PURB: variants seen among roughly 807,000 people sequenced by gnomAD.
The protein encoded by PURB is purine rich element binding protein B.
PURB carries 11 observed loss-of-function variants against 21.1 expected under a neutral mutation model. The ratio of observed to expected loss-of-function variants is 0.52; its 90% CI spans 0.33 to 0.86. PURB has a LOEUF of 0.86. Among genes scored for constraint, PURB ranks in the 40% least tolerant of loss-of-function variants. The pLI, the probability that PURB is intolerant of heterozygous loss-of-function variation, is 0.02. For missense variants in PURB, 357 were observed against 456.5 expected (o/e 0.78, Z 1.99); for synonymous variants, 246 against 210.8 (o/e 1.17, Z -1.45).
Position 44,883,875 on chromosome 7 carries a change from G to T in PURB, c.*535C>A, listed in dbSNP as rs151317679. On this transcript the variant is annotated 3_prime_UTR_variant, in exon 1 of 1. Coordinates refer to ENST00000395699, the MANE Select transcript of PURB (RefSeq NM_033224.5). ...TTCTTTTCGTGAACCTGAACCCTCA[G>T]AACTGGGTAATTGTAAAGGCCTCTC... The T allele has an allele frequency of 3.6e-3, 556 of 153,962 alleles. 13 individuals carry two copies. Among genetic ancestry groups the T allele is most frequent in the Non-Finnish European group, 8.8e-4 (61 of 69,236 alleles). 9.5% of individuals were successfully genotyped at this position (153,962 alleles called of 1,614,324 possible). A position where few individuals can be genotyped will look rare whatever the true frequency, so the allele number is the denominator to read the frequency against.
rs1335924749 is a variant in PURB at position 44,884,282 on chromosome 7, T to C, written c.*128A>G. The C allele has an allele frequency of 1.4e-6, 2 of 1,478,232 alleles. No homozygotes were observed. Among genetic ancestry groups the C allele is most frequent in the Admixed American group, 4.9e-5 (2 of 40,638 alleles). 91.6% of individuals were successfully genotyped at this position (1,478,232 alleles called of 1,614,324 possible). Reference sequence around the variant, plus strand: ...GATTATTTCTCTTAACTGTGTTACGTTTTGTTTTTTCCCTCTGCGGCCTCC... The same window carrying C: ...GATTATTTCTCTTAACTGTGTTACGCTTTGTTTTTTCCCTCTGCGGCCTCC... On this transcript the variant is annotated 3_prime_UTR_variant, in exon 1 of 1. Transcript: ENST00000395699.
Position 44,884,751 on chromosome 7 carries a change from G to C in PURB, c.598C>G (p.Leu200Val), listed in dbSNP as rs772302130. Residue 200 changes from leucine to valine, a missense_variant, in exon 1 of 1, where the codon CTG becomes GTG. Leu to Val is a conservative substitution (Grantham distance 32). Transcript: ENST00000395699. ...GCGCCGCCTCCCGGGCCGCCTGCCA[G>C]CTCGTCGTCCTCGCCTCCGTAGTCG... The part of the protein sequence containing the change: ...IDDYGGEDDE[L>V]AGGPGGGAGG... 6.2e-7 allele frequency: 1 copy of C among 1,611,152 alleles called. No individual in the cohort carries two copies. The highest frequency in any genetic ancestry group is 8.5e-7 in the Non-Finnish European group (1 of 1,179,264).
At position 44,885,078 on chromosome 7, in the gene PURB, T is replaced by C; in HGVS notation, c.271A>G (p.Ile91Val). Residue 91 changes from isoleucine (I) to valine (V), a missense_variant, in exon 1 of 1, where the codon ATA becomes GTA. Physicochemically the swap from Ile to Val is conservative, Grantham distance 29. Coordinates refer to ENST00000395699, the MANE Select transcript of PURB (RefSeq NM_033224.5). Reference protein sequence around the residue: ...AEFRDSLGDFIEHYAQLGPSS... With the variant: ...AEFRDSLGDFVEHYAQLGPSS... Reference sequence around the variant, plus strand: ...GGGCCCAGCTGCGCGTAGTGTTCTATGAAGTCGCCCAGCGAGTCGCGGAAC... The same window carrying C: ...GGGCCCAGCTGCGCGTAGTGTTCTACGAAGTCGCCCAGCGAGTCGCGGAAC... 6.3e-7 allele frequency: 1 copy of C among 1,577,844 alleles called. No individual in the cohort carries two copies. The highest frequency in any genetic ancestry group is 8.6e-7 in the Non-Finnish European group (1 of 1,166,544).
In PURB at chr7:44,884,549, T is replaced by C; in HGVS notation, c.800A>G (p.Lys267Arg). The change falls in exon 1 of 1, where the codon AAG (lysine) becomes AGG (arginine). Residue 267 changes from lysine to arginine, a missense_variant. By Grantham distance (26) the Lys-to-Arg change is conservative. Coordinates refer to ENST00000395699, the MANE Select transcript of PURB (RefSeq NM_033224.5). ...ATACCGGCAAAAGGCGCCTCCGAACTTGCCCCAGGCTTTGAAGGGTACGGT... is the reference window on the plus strand; with the variant it reads ...ATACCGGCAAAAGGCGCCTCCGAACCTGCCCCAGGCTTTGAAGGGTACGGT... ...AITVPFKAWGKFGGAFCRYAD... is the reference protein window; with the variant it reads ...AITVPFKAWGRFGGAFCRYAD... 1.2e-6 allele frequency: 2 copies of C among 1,614,216 alleles called. No individual in the cohort carries two copies. Among genetic ancestry groups the C allele is most frequent in the Middle Eastern group, 1.6e-4 (1 of 6,062 alleles).
chr7:44,883,328 T>C lies in PURB; in HGVS notation c.*1082A>G, dbSNP rs1198014035. On this transcript the variant is annotated 3_prime_UTR_variant, in exon 1 of 1. Transcript: ENST00000395699. ...GTATATCCATTAAAGCTCAGGCTTATAGCCACACTGTTACTTTTGTAGGTA... is the reference window on the plus strand; with the variant it reads ...GTATATCCATTAAAGCTCAGGCTTACAGCCACACTGTTACTTTTGTAGGTA... 6.6e-6 allele frequency: 1 copy of C among 152,670 alleles called. No homozygotes were observed. Among genetic ancestry groups the C allele is most frequent in the African/African-American group, 2.4e-5 (1 of 41,464 alleles). The allele number at this position is 152,670 out of a possible 1,614,324, so 9.5% of individuals were successfully genotyped here.
rs1438611591 is a variant in PURB at position 44,881,385 on chromosome 7, T to C, written c.*3025A>G. The C allele has an allele frequency of 1.3e-5, 2 of 152,542 alleles. No homozygotes were observed. The highest frequency in any genetic ancestry group is 2.9e-5 in the Non-Finnish European group (2 of 68,000). 9.4% of individuals were successfully genotyped at this position (152,542 alleles called of 1,614,324 possible). ...TAATATTTACGAATGAATCTGTGTTTTGCAGGTTTCTATTGTCCCTAGTGA... is the reference window on the plus strand; with the variant it reads ...TAATATTTACGAATGAATCTGTGTTCTGCAGGTTTCTATTGTCCCTAGTGA... On this transcript the variant is annotated 3_prime_UTR_variant, in exon 1 of 1. Transcript: ENST00000395699.
chr7:44,885,349 C>T lies in PURB; in HGVS notation c.-1G>A. The T allele has an allele frequency of 1.7e-6, 2 of 1,193,540 alleles. No individual in the cohort carries two copies. Among genetic ancestry groups the T allele is most frequent in the Non-Finnish European group, 2.1e-6 (2 of 957,620 alleles). The allele number at this position is 1,193,540 out of a possible 1,614,324, so 73.9% of individuals were successfully genotyped here. The stretch of plus-strand genomic sequence containing the variant: ...CGCTGCCGCTGTCGCCGTCCGCCAT[C>T]TTCTAGGCCGCCGCCTCGCCGCCAC... On this transcript the variant is annotated 5_prime_UTR_variant, in exon 1 of 1. Transcript: ENST00000395699.
chr7:44,884,815 G>A lies in PURB; in HGVS notation c.534C>T (p.Gly178=). Residue 178 remains glycine, a synonymous_variant, in exon 1 of 1, where the codon GGC becomes GGT. Coordinates refer to ENST00000395699, the MANE Select transcript of PURB (RefSeq NM_033224.5). ...CCAGCGCGTCGCGGAACTCGATGAG[G>A]CCCTGCGCAGGCAGCGCGATGGTCT... ...SGQTIALPAQ[G]LIEFRDALAK... 2 of 1,590,204 alleles carry A rather than the reference G, an allele frequency of 1.3e-6. No homozygotes were observed. Among genetic ancestry groups the A allele is most frequent in the Non-Finnish European group, 8.6e-7 (1 of 1,169,304 alleles).
chr7:44,884,952 G>C lies in PURB; in HGVS notation c.397C>G (p.Leu133Val). 6.3e-7 allele frequency: 1 copy of C among 1,582,760 alleles called. No individual in the cohort carries two copies. The highest frequency in any genetic ancestry group is 1.1e-5 in the South Asian group (1 of 87,978). ...FLVRENRKYYLDLKENQRGRF... is the reference protein window; with the variant it reads ...FLVRENRKYYVDLKENQRGRF... ...CCGCGCTGGTTCTCCTTGAGGTCCA[G>C]GTAGTACTTGCGGTTCTCACGCACC... Residue 133 changes from leucine (L) to valine (V), a missense_variant, in exon 1 of 1, where the codon CTG becomes GTG. Leu to Val is a conservative substitution (Grantham distance 32). Coordinates refer to ENST00000395699, the MANE Select transcript of PURB (RefSeq NM_033224.5).
rs977099928 is a variant in PURB, at chr7:44,883,437, G to A, written c.*973C>T. 4.6e-5 allele frequency: 7 copies of A among 151,936 alleles called. No individual in the cohort carries two copies. Among genetic ancestry groups the A allele is most frequent in the African/African-American group, 1.7e-4 (7 of 41,152 alleles). 9.4% of individuals were successfully genotyped at this position (151,936 alleles called of 1,614,324 possible). A position where few individuals can be genotyped will look rare whatever the true frequency, so the allele number is the denominator to read the frequency against. On this transcript the variant is annotated 3_prime_UTR_variant, in exon 1 of 1. Transcript: ENST00000395699. ...CCATAATTCACTGGCTCACACAGTG[G>A]AGATCTGGCTCTCATTCATACCAAA...
At position 44,884,440 on chromosome 7, in the gene PURB, C is replaced by T; in HGVS notation, c.909G>A (p.Glu303=). ...CCTCATCCACCTCCTCACCCTCTGA[C>T]TCTTCGCCGCCGCCGCTGCCCCCAC... is the stretch of plus-strand genomic sequence containing the variant. The part of the protein sequence containing the change: ...RRGGGSGGGE[E]SEGEEVDED The change falls in exon 1 of 1, where the codon GAG becomes GAA. Residue 303 remains glutamate (E), a synonymous_variant. Coordinates refer to ENST00000395699, the MANE Select transcript of PURB (RefSeq NM_033224.5). 1.2e-6 allele frequency: 2 copies of T among 1,613,702 alleles called. No homozygotes were observed. The highest frequency in any genetic ancestry group is 1.7e-6 in the Non-Finnish European group (2 of 1,180,020).
rs1316670480 is a variant in PURB, at chr7:44,883,144, G to A, written c.*1266C>T. Reference sequence around the variant, plus strand: ...CATCATTTGCCAACTCTGATTGTGAGGTACTGATACAATGGATCAAGTTCT... The same window carrying A: ...CATCATTTGCCAACTCTGATTGTGAAGTACTGATACAATGGATCAAGTTCT... On this transcript the variant is annotated 3_prime_UTR_variant, in exon 1 of 1. Coordinates refer to ENST00000395699, the MANE Select transcript of PURB (RefSeq NM_033224.5). 1 of 152,530 alleles carries A rather than the reference G, an allele frequency of 6.6e-6. No individual in the cohort carries two copies. Among genetic ancestry groups the A allele is most frequent in the African/African-American group, 2.4e-5 (1 of 41,422 alleles). The allele number at this position is 152,530 out of a possible 1,614,324, so 9.4% of individuals were successfully genotyped here.
Position 44,876,834 on chromosome 7 carries a change from T to C in PURB, c.*7576A>G, listed in dbSNP as rs1240797589. 6.5e-6 allele frequency: 1 copy of C among 152,698 alleles called. No homozygotes were observed. Among genetic ancestry groups the C allele is most frequent in the East Asian group, 1.9e-4 (1 of 5,206 alleles). 9.5% of individuals were successfully genotyped at this position (152,698 alleles called of 1,614,324 possible). A position where few individuals can be genotyped will look rare whatever the true frequency, so the allele number is the denominator to read the frequency against. On this transcript the variant is annotated 3_prime_UTR_variant, in exon 1 of 1. Coordinates refer to ENST00000395699, the MANE Select transcript of PURB (RefSeq NM_033224.5). ...CCTATCACTACAAATTTTAGTGTTT[T>C]ATTTACAGACATTTATAGGGTTACA... is the stretch of plus-strand genomic sequence containing the variant.
In PURB at chr7:44,884,573, G is replaced by C; in HGVS notation, c.776C>G (p.Thr259Ser). The part of the protein sequence containing the change: ...EVKPSYRNAI[T>S]VPFKAWGKFG... ...CTTGCCCCAGGCTTTGAAGGGTACG[G>C]TGATGGCATTGCGGTAGGACGGCTT... The change falls in exon 1 of 1, where the codon ACC becomes AGC. Residue 259 changes from threonine to serine, a missense_variant. Thr to Ser is a moderately conservative substitution (Grantham distance 58). Coordinates refer to ENST00000395699, the MANE Select transcript of PURB (RefSeq NM_033224.5). 4 of 1,614,202 alleles carry C rather than the reference G, an allele frequency of 2.5e-6. No individual in the cohort carries two copies. The highest frequency in any genetic ancestry group is 3.4e-6 in the Non-Finnish European group (4 of 1,180,046).
chr7:44,885,352 C>A lies in PURB; in HGVS notation c.-4G>T. The A allele has an allele frequency of 8.5e-7, 1 of 1,181,492 alleles. No homozygotes were observed. Among genetic ancestry groups the A allele is most frequent in the East Asian group, 3.3e-5 (1 of 30,270 alleles). 73.2% of individuals were successfully genotyped at this position (1,181,492 alleles called of 1,614,324 possible). On this transcript the variant is annotated 5_prime_UTR_variant, in exon 1 of 1. Coordinates refer to ENST00000395699, the MANE Select transcript of PURB (RefSeq NM_033224.5). The stretch of plus-strand genomic sequence containing the variant: ...TGCCGCTGTCGCCGTCCGCCATCTT[C>A]TAGGCCGCCGCCTCGCCGCCACCGC...
rs1392799827 is a variant in PURB at position 44,882,230 on chromosome 7, G to A, written c.*2180C>T. ...AGAAATAGACACTCAAAACACGTAGGTAAATACAGCAGGACATTATTGAAA... is the reference window on the plus strand; with the variant it reads ...AGAAATAGACACTCAAAACACGTAGATAAATACAGCAGGACATTATTGAAA... On this transcript the variant is annotated 3_prime_UTR_variant, in exon 1 of 1. Transcript: ENST00000395699. 6.6e-6 allele frequency: 1 copy of A among 152,562 alleles called. No homozygotes were observed. The highest frequency in any genetic ancestry group is 2.4e-5 in the African/African-American group (1 of 41,434). The allele number at this position is 152,562 out of a possible 1,614,324, so 9.5% of individuals were successfully genotyped here.
Position 44,885,049 on chromosome 7 carries a change from G to T in PURB, c.300C>A (p.Ser100Arg). The part of the protein sequence containing the change: ...FIEHYAQLGP[S>R]SPEQLAAGAE... Reference sequence around the variant, plus strand: ...CGCCAGCCGCCAGCTGCTCGGGGCTGCTAGGGCCCAGCTGCGCGTAGTGTT... The same window carrying T: ...CGCCAGCCGCCAGCTGCTCGGGGCTTCTAGGGCCCAGCTGCGCGTAGTGTT... The change falls in exon 1 of 1, where the codon AGC (serine) becomes AGA (arginine). Residue 100 changes from serine to arginine, a missense_variant. Coordinates refer to ENST00000395699, the MANE Select transcript of PURB (RefSeq NM_033224.5). The T allele has an allele frequency of 6.4e-7, 1 of 1,559,982 alleles. No individual in the cohort carries two copies. Among genetic ancestry groups the T allele is most frequent in the East Asian group, 2.4e-5 (1 of 41,420 alleles).
Position 44,884,308 on chromosome 7 carries a change from C to T in PURB, c.*102G>A. On this transcript the variant is annotated 3_prime_UTR_variant, in exon 1 of 1. Coordinates refer to ENST00000395699, the MANE Select transcript of PURB (RefSeq NM_033224.5). ...TTTGTTTTTTCCCTCTGCGGCCTCC[C>T]TTGCTCCCTCTCCACTAGCTCACTG... is the stretch of plus-strand genomic sequence containing the variant. 2 of 1,523,880 alleles carry T rather than the reference C, an allele frequency of 1.3e-6. No homozygotes were observed. Among genetic ancestry groups the T allele is most frequent in the South Asian group, 1.3e-5 (1 of 77,754 alleles). 94.4% of individuals were successfully genotyped at this position (1,523,880 alleles called of 1,614,324 possible). A position where few individuals can be genotyped will look rare whatever the true frequency, so the allele number is the denominator to read the frequency against.
chr7:44,878,266 A>G lies in PURB; in HGVS notation c.*6144T>C, dbSNP rs1238128643. 6.6e-6 allele frequency: 1 copy of G among 152,228 alleles called. No homozygotes were observed. The highest frequency in any genetic ancestry group is 2.4e-5 in the African/African-American group (1 of 41,450). 9.4% of individuals were successfully genotyped at this position (152,228 alleles called of 1,614,324 possible). ...GAATAGGGCTATTGCTTTCTTTCCA[A>G]TACTCTGGGCCCACATTTCATCATA... On this transcript the variant is annotated 3_prime_UTR_variant, in exon 1 of 1. Transcript: ENST00000395699.
Sources: gnomAD v4.1 joint callset for allele counts on GRCh38, gnomAD v4.1.1 for gene constraint, MANE v1.5 for transcripts, NCBI Gene and HGNC (gene_info 2026-07-23, HGNC 2026-07-21) for gene names.